FLNB: variants seen among roughly 807,000 people sequenced by gnomAD.
The protein encoded by FLNB is filamin-B.
A neutral mutation model predicts 250.6 loss-of-function variants in FLNB; 111 were observed. That is an observed-to-expected ratio of 0.44 (90% CI 0.38 to 0.52). The LOEUF is 0.52. Among genes scored for constraint, FLNB ranks in the 20% least tolerant of loss-of-function variants. FLNB has a pLI of 0.00. For missense variants in FLNB, 2,869 were observed against 3,447.8 expected, an observed-to-expected ratio of 0.83 and a Z score of 4.20; for synonymous variants, 1,302 against 1,372.1, an observed-to-expected ratio of 0.95 and a Z score of 1.13.
At chr3:58,046,400 A>G (rs1204712332) in intron 1 of FLNB, among the ~76,000 whole-genome samples, 3 of 152,124 alleles carry the variant, frequency 2.0e-5, no homozygotes, top group East Asian at 3.9e-4. Flanking sequence ...TAAAGTATGC[A>G]ATTTTTAGTA....
intron 4 of FLNB, among the ~76,000 whole-genome samples, chr3:58,094,074 T>C (rs2097233364): frequency 6.6e-6 from 1 of 152,232 alleles, no homozygotes; most frequent in African/African-American, 2.4e-5. Flanking sequence ...GATTGAGTCA[T>C]AGCTTTTTAC....
At position 58,163,162 on chromosome 3, in the gene FLNB, G is replaced by A. The variant is rs535076661; in HGVS notation, c.7030G>A (p.Ala2344Thr). The stretch of plus-strand genomic sequence containing the variant: ...TTTGCTCATTCTCCTAGATAAGTAT[G>A]CTGTTCGCTTCATCCCTCATGAGAA... Reference protein sequence around the residue: ...HVSELEPDKYAVRFIPHENGV... With the variant: ...HVSELEPDKYTVRFIPHENGV... The change falls in exon 43 of 46, where the codon GCT becomes ACT. Residue 2344 changes from alanine (A) to threonine (T), a missense_variant. Ala to Thr is a moderately conservative substitution (Grantham distance 58). Coordinates refer to ENST00000295956, the MANE Select transcript of FLNB (RefSeq NM_001457.4). 1.9e-6 allele frequency: 3 copies of A among 1,614,166 alleles called. No homozygotes were observed. Among genetic ancestry groups the A allele is most frequent in the African/African-American group, 2.7e-5 (2 of 75,056 alleles).
At chr3:58,118,332 C>A (rs1229679681) in intron 18 of FLNB, among the ~76,000 whole-genome samples, 1 of 152,208 alleles carries the variant, frequency 6.6e-6, no homozygotes, top group East Asian at 1.9e-4. Flanking sequence ...CAAACTGATT[C>A]CTAGGACAGA....
chr3:58,023,108 G>A (rs551192588), intron 1 of FLNB, among the ~76,000 whole-genome samples: 1 of 102,144 alleles, frequency 9.8e-6, no homozygotes, highest in East Asian at 3.0e-4. Flanking sequence ...CACCGAACTC[G>A]GCCTTTTTTT....
chr3:58,099,282 C>G (rs1287151091), intron 8 of FLNB, among the ~76,000 whole-genome samples: 1 of 152,042 alleles, frequency 6.6e-6, no homozygotes, highest in Admixed American at 6.6e-5. Context: ...CTTTACTGGC[C>G]CAGGCACTTA....
intron 26 of FLNB, among the ~76,000 whole-genome samples, chr3:58,134,384 G>T (rs1198009799): frequency 1.3e-5 from 2 of 152,156 alleles, no homozygotes; most frequent in Non-Finnish European, 2.9e-5. Flanking sequence ...TGCCAAAAAG[G>T]TTGGGGACCG....
chr3:58,059,617 T>A (rs2097175144), intron 1 of FLNB, among the ~76,000 whole-genome samples: 1 of 152,166 alleles, frequency 6.6e-6, no homozygotes, highest in South Asian at 2.1e-4. Flanking sequence ...ATTTATCGTG[T>A]GTTTCTTGCC....
chr3:58,101,237 G>A (rs777798472), intron 8 of FLNB, among the ~76,000 whole-genome samples: 16 of 152,156 alleles, frequency 1.1e-4, no homozygotes, highest in South Asian at 2.1e-4. Flanking sequence ...ATTACCTTCC[G>A]TCTGTGGAGT....
intron 1 of FLNB, among the ~76,000 whole-genome samples, chr3:58,015,006 C>T (rs779429708): frequency 6.6e-6 from 1 of 152,198 alleles, no homozygotes; most frequent in Admixed American, 6.5e-5. Context: ...GGATTACAGG[C>T]GTGAGCCACC....
At chr3:58,070,157 C>T (rs1390450159) in intron 1 of FLNB, among the ~76,000 whole-genome samples, 2 of 149,220 alleles carry the variant, frequency 1.3e-5, no homozygotes, top group East Asian at 4.0e-4. Context: ...AAGTGATTTT[C>T]GTGCCTCAGC....
intron 44 of FLNB, 181 bp downstream of exon 44, chr3:58,168,839 G>A (rs1231279441): frequency 9.1e-6 from 6 of 656,952 alleles, no homozygotes; most frequent in African/African-American, 3.6e-5. Context: ...TCCACAGAGT[G>A]GAGCCGTGCA....
At chr3:58,081,536 T>C in intron 3 of FLNB, 93 bp from the exon 4 acceptor site, 1 of 1,144,196 alleles carries the variant, frequency 8.7e-7, no homozygotes, top group East Asian at 2.3e-5. Flanking sequence ...TTTCTTAATA[T>C]TTGTAGTGCT....
intron 4 of FLNB, among the ~76,000 whole-genome samples, chr3:58,089,985 C>T (rs1342612547): frequency 6.6e-6 from 1 of 152,102 alleles, no homozygotes; most frequent in Admixed American, 6.6e-5. Flanking sequence ...CGTAGTTTCA[C>T]CCTGTTGGCC....
intron 1 of FLNB, among the ~76,000 whole-genome samples, chr3:58,063,374 G>C (rs539933303): frequency 6.6e-6 from 1 of 152,206 alleles, no homozygotes; most frequent in African/African-American, 2.4e-5. Context: ...TTTGCAGAGA[G>C]CTCTGTTGGG....
intron 1 of FLNB, among the ~76,000 whole-genome samples, chr3:58,044,858 C>T (rs1339126731): frequency 3.3e-5 from 5 of 152,210 alleles, no homozygotes; most frequent in Admixed American, 2.6e-4. Flanking sequence ...GAATTTCCTC[C>T]TTCTAGGCCC....
rs1158880676 is a variant in FLNB at position 58,121,389 on chromosome 3, C to G, written c.3012C>G (p.Ala1004=). ...TGACAGGCCGGGAGAACAGCACGGC[C>G]AAGTTCATCCCTCGGGAGGAGGGGC... The part of the protein sequence containing the change: ...TPVTGRENST[A]KFIPREEGLY... Residue 1004 remains alanine, a synonymous_variant, in exon 20 of 46, where the codon GCC becomes GCG. Coordinates refer to ENST00000295956, the MANE Select transcript of FLNB (RefSeq NM_001457.4). 1 of 1,614,068 alleles carries G rather than the reference C, an allele frequency of 6.2e-7. No homozygotes were observed. Among genetic ancestry groups the G allele is most frequent in the East Asian group, 2.2e-5 (1 of 44,874 alleles).
At chr3:58,072,177 G>A (rs2097195559) in intron 1 of FLNB, among the ~76,000 whole-genome samples, 1 of 152,198 alleles carries the variant, frequency 6.6e-6, no homozygotes, top group South Asian at 2.1e-4. Flanking sequence ...TCGAGAAAAT[G>A]TATGTGGTTT....
At chr3:58,117,987 G>A (rs1323070885) in intron 18 of FLNB, among the ~76,000 whole-genome samples, 1 of 152,126 alleles carries the variant, frequency 6.6e-6, no homozygotes, top group African/African-American at 2.4e-5. Flanking sequence ...CATTATGCCT[G>A]GCCGATTGTG....
At chr3:58,100,819 G>C (rs1219665561) in intron 8 of FLNB, among the ~76,000 whole-genome samples, 1 of 151,570 alleles carries the variant, frequency 6.6e-6, no homozygotes. Flanking sequence ...GGCTGGTCTC[G>C]AACTCCTGAT....
Sources: allele counts gnomAD v4.1 joint callset (sites outside exome capture counted in the v4.1 genomes callset), GRCh38; gene constraint gnomAD v4.1.1; transcripts MANE v1.5; gene names NCBI Gene and HGNC (gene_info 2026-07-23, HGNC 2026-07-21).